TFEC: variants seen among roughly 807,000 people sequenced by gnomAD.
TFEC encodes transcription factor EC.
Under a neutral mutation model 41.6 loss-of-function variants are expected in TFEC, and 31 were observed. The ratio of observed to expected loss-of-function variants is 0.74; its 90% CI spans 0.56 to 1.01. The LOEUF is 1.01. Ranked by LOEUF, TFEC falls within the 50% of genes least tolerant of loss-of-function variation. TFEC has a pLI of 0.00. For missense variants in TFEC, 402 were observed against 404.1 expected, an observed-to-expected ratio of 0.99 and a Z score of 0.04; for synonymous variants, 143 against 140.6, an observed-to-expected ratio of 1.02 and a Z score of -0.12.
At chr7:115,985,285 C>G (rs912413691) in intron 1 of TFEC, among the ~76,000 whole-genome samples, 2 of 152,178 alleles carry the variant, frequency 1.3e-5, no homozygotes, top group African/African-American at 4.8e-5. Flanking sequence ...CACCTTCAGT[C>G]TAGTTATCAT....
chr7:115,970,676 T>C (rs1000309189), intron 3 of TFEC, among the ~76,000 whole-genome samples: 1 of 151,946 alleles, frequency 6.6e-6, no homozygotes, highest in African/African-American at 2.4e-5. Flanking sequence ...CAGACACAAA[T>C]GGTAGGGCTA....
chr7:116,060,763 G>T lies in TFEC; in HGVS notation c.198+49945C>A, dbSNP rs557749273. Among the ~76,000 whole-genome samples, 4 of 152,006 alleles carry T rather than the reference G, an allele frequency of 2.6e-5. No individual in the cohort carries two copies. The South Asian group carries it at 8.3e-4, about 32-fold the overall frequency. On this transcript the variant is annotated intron_variant, in intron 3 of 8. Transcript: ENST00000484212. ...CAGAAAAGATAACTATTGGGCACTG[G>T]GCTTAATACTTGAGTGATGAAATAA...
In TFEC at chr7:115,989,420, G is replaced by A. The variant is rs192007037; in HGVS notation, c.-72-4907C>T. On this transcript the variant is annotated intron_variant, in intron 1 of 7. Transcript: ENST00000265440. ...TTGTCAGACAGTGGGTGCAGCCCACGGAGTGTGAGCCAAAGAAGGGCGGGG... is the reference window on the plus strand; with the variant it reads ...TTGTCAGACAGTGGGTGCAGCCCACAGAGTGTGAGCCAAAGAAGGGCGGGG... Among the ~76,000 whole-genome samples, 185 of 152,260 alleles carry A rather than the reference G, an allele frequency of 1.2e-3. 1 individual carries two copies. Among genetic ancestry groups the A allele is most frequent in the African/African-American group, 4.2e-3 (175 of 41,554 alleles).
At chr7:116,045,766 G>A (rs1396479739) in intron 3 of TFEC, among the ~76,000 whole-genome samples, 1 of 152,102 alleles carries the variant, frequency 6.6e-6, no homozygotes, top group African/African-American at 2.4e-5. Context: ...AGATCCATTG[G>A]CAGCTTAAGC....
At chr7:116,137,687 T>C (rs1798460431) in intron 1 of TFEC, among the ~76,000 whole-genome samples, 1 of 152,108 alleles carries the variant, frequency 6.6e-6, no homozygotes, top group Non-Finnish European at 1.5e-5. Flanking sequence ...TTACACACAC[T>C]GCATCAACAG....
At chr7:115,984,164 A>T in intron 2 of TFEC, 98 bp downstream of exon 2, 1 of 1,419,366 alleles carries the variant, frequency 7.0e-7, no homozygotes, top group Non-Finnish European at 9.5e-7. Flanking sequence ...TTACATTTGC[A>T]ATCAGAATGT....
chr7:116,123,108 A>T (rs1798141664), intron 1 of TFEC, among the ~76,000 whole-genome samples: 1 of 152,140 alleles, frequency 6.6e-6, no homozygotes, highest in South Asian at 2.1e-4. Context: ...GGATTGTGTG[A>T]AACAAAAACA....
chr7:116,000,141 G>A (rs1050575947), intron 1 of TFEC, among the ~76,000 whole-genome samples: 1 of 152,038 alleles, frequency 6.6e-6, no homozygotes, highest in African/African-American at 2.4e-5. Flanking sequence ...TTATCCCAAG[G>A]ATGTAAAAAG....
In TFEC at chr7:115,940,402, A is replaced by G. The variant is rs1176222370; in HGVS notation, c.*149T>C. 1.2e-6 allele frequency: 1 copy of G among 852,962 alleles called. No individual in the cohort carries two copies. Among genetic ancestry groups the G allele is most frequent in the East Asian group, 2.8e-5 (1 of 35,652 alleles). 52.8% of individuals were successfully genotyped at this position (852,962 alleles called of 1,614,324 possible). On this transcript the variant is annotated 3_prime_UTR_variant, in exon 8 of 8. Coordinates refer to ENST00000265440, the MANE Select transcript of TFEC (RefSeq NM_012252.4). Reference sequence around the variant, plus strand: ...AACACTATGATTTTTCTTCCTGCGAATTCTTCTGTTGCTTCTATCAGTTTT... The same window carrying G: ...AACACTATGATTTTTCTTCCTGCGAGTTCTTCTGTTGCTTCTATCAGTTTT...
chr7:116,120,199 C>G (rs1452415126), intron 1 of TFEC: 1 of 151,754 alleles, frequency 6.6e-6, no homozygotes, highest in African/African-American at 2.4e-5. Context: ...TTGTAGAACC[C>G]CTGTGTTTCA....
chr7:115,975,399 G>C (rs1231869766), intron 2 of TFEC, among the ~76,000 whole-genome samples: 1 of 152,004 alleles, frequency 6.6e-6, no homozygotes, highest in Non-Finnish European at 1.5e-5. Context: ...CACTCTAATA[G>C]ATATGGAAAA....
chr7:115,969,427 C>G (rs969722568), intron 3 of TFEC, among the ~76,000 whole-genome samples: 15 of 151,828 alleles, frequency 9.9e-5, no homozygotes, highest in African/African-American at 3.4e-4. Context: ...CTTTGACAAG[C>G]TGACATTGAC....
At chr7:116,055,325 T>C (rs1796401541) in intron 3 of TFEC, among the ~76,000 whole-genome samples, 1 of 152,120 alleles carries the variant, frequency 6.6e-6, no homozygotes, top group Non-Finnish European at 1.5e-5. Context: ...AGATCTGTCA[T>C]TTAAATATGG....
intron 3 of TFEC, among the ~76,000 whole-genome samples, chr7:115,961,620 GA>G (rs1380199226): frequency 6.6e-6 from 1 of 150,976 alleles, no homozygotes; most frequent in Non-Finnish European, 1.5e-5. Flanking sequence ...GTTTTTGTTT[GA>G]AAAAAAATTA....
At chr7:115,984,581 C>A (rs1793771583) in intron 1 of TFEC, 68 bp from the exon 2 acceptor site, 3 of 1,536,296 alleles carry the variant, frequency 2.0e-6, no homozygotes. Flanking sequence ...CTCCTTTCCA[C>A]AATTGCACTA....
intron 1 of TFEC, among the ~76,000 whole-genome samples, chr7:115,991,633 A>G (rs570894393): frequency 3.2e-4 from 49 of 152,236 alleles, no homozygotes; most frequent in Non-Finnish European, 5.3e-4. Flanking sequence ...AAAGAAGGCC[A>G]TTACATAATG....
chr7:116,050,598 T>C (rs189745631), intron 3 of TFEC, among the ~76,000 whole-genome samples: 36 of 152,280 alleles, frequency 2.4e-4, no homozygotes, highest in Non-Finnish European at 4.0e-4. Context: ...CACAATGAGA[T>C]ACCATCTCAC....
chr7:116,012,826 G>A (rs1358855828), intron 1 of TFEC, among the ~76,000 whole-genome samples: 2 of 134,884 alleles, frequency 1.5e-5, no homozygotes, highest in Non-Finnish European at 1.6e-5. Context: ...TTTATTTCTG[G>A]AAAAAAAAAA....
chr7:116,047,822 C>A (rs4363126), intron 3 of TFEC, among the ~76,000 whole-genome samples: 1 of 152,068 alleles, frequency 6.6e-6, no homozygotes. Context: ...AAGGATCAGG[C>A]AGCAACATTT....
Sources: gnomAD v4.1 joint callset for allele counts (sites outside exome capture counted in the v4.1 genomes callset) on GRCh38, gnomAD v4.1.1 for gene constraint, MANE v1.5 for transcripts, NCBI Gene and HGNC (gene_info 2026-07-23, HGNC 2026-07-21) for gene names.